Variants in DNAJC6 observed in about 807,000 individuals in gnomAD.
DNAJC6 encodes the protein auxilin.
Under a neutral mutation model 110.0 loss-of-function variants are expected in DNAJC6, and 34 were observed. That is an observed-to-expected ratio of 0.31 (90% CI 0.24 to 0.41). The LOEUF (loss-of-function observed/expected upper bound fraction) is 0.41, where lower values mean the gene tolerates loss of function less well. Among genes scored for constraint, DNAJC6 ranks in the 10% least tolerant of loss-of-function variants. The pLI is 1.00. For synonymous variants in DNAJC6, 406 were observed against 437.2 expected (o/e 0.93, Z 0.89); for missense variants, 1,031 against 1,207.8 (o/e 0.85, Z 2.17).
chr1:65,406,404 G>T (rs1479026689), intron 16 of DNAJC6, among the ~76,000 whole-genome samples: 1 of 152,178 alleles, frequency 6.6e-6, no homozygotes, highest in African/African-American at 2.4e-5. Context: ...CCAGATGGAG[G>T]GCAGGGACTG....
chr1:65,303,337 G>A (rs9436265), intron 1 of DNAJC6, among the ~76,000 whole-genome samples: 12 of 151,946 alleles, frequency 7.9e-5, no homozygotes, highest in African/African-American at 2.4e-4. Context: ...ACTAATATAC[G>A]GTCAAATAAT....
chr1:65,398,366 A>G (rs528912099), intron 13 of DNAJC6, among the ~76,000 whole-genome samples: 245 of 152,290 alleles, frequency 1.6e-3, no homozygotes, highest in African/African-American at 5.6e-3. Flanking sequence ...TCTATACTTA[A>G]TGCTTAGCAA....
At chr1:65,328,156 G>C (rs1324547825) in intron 1 of DNAJC6, among the ~76,000 whole-genome samples, 1 of 152,144 alleles carries the variant, frequency 6.6e-6, no homozygotes. Context: ...TTATTGTAAA[G>C]ATGTGTATTA....
chr1:65,337,298 CT>C (rs35222732), intron 1 of DNAJC6, among the ~76,000 whole-genome samples: 88,986 of 145,260 alleles, frequency 0.61, 27,855 homozygotes, highest in African/African-American at 0.78. Flanking sequence ...GTAATTCTTA[CT>C]TTTTTTTTTT....
chr1:65,280,689 G>A (rs886320517), intron 1 of DNAJC6, among the ~76,000 whole-genome samples: 1 of 152,138 alleles, frequency 6.6e-6, no homozygotes, highest in Non-Finnish European at 1.5e-5. Flanking sequence ...CATTGGCCTG[G>A]AAGTTAGGAG....
At chr1:65,280,269 C>A (rs1193268590) in intron 1 of DNAJC6, among the ~76,000 whole-genome samples, 1 of 152,064 alleles carries the variant, frequency 6.6e-6, no homozygotes, top group African/African-American at 2.4e-5. Flanking sequence ...TGAGTGGATT[C>A]TTTTTCTGTG....
chr1:65,359,517 G>A (rs1288293555), intron 1 of DNAJC6, among the ~76,000 whole-genome samples: 1 of 152,118 alleles, frequency 6.6e-6, no homozygotes. Flanking sequence ...CTTTCTCTTT[G>A]GATGGCACTC....
At chr1:65,369,888 A>G (rs1394893123) in intron 4 of DNAJC6, among the ~76,000 whole-genome samples, 2 of 152,188 alleles carry the variant, frequency 1.3e-5, no homozygotes, top group East Asian at 1.9e-4. Flanking sequence ...ATGTATTTGC[A>G]TATGTCACAG....
intron 12 of DNAJC6, among the ~76,000 whole-genome samples, chr1:65,394,171 T>C (rs1645955671): frequency 6.6e-6 from 1 of 152,248 alleles, no homozygotes; most frequent in Admixed American, 6.5e-5. Flanking sequence ...CATCATAGTT[T>C]CAGGCAGCTA....
chr1:65,266,138 C>G (rs543046567), intron 1 of DNAJC6, among the ~76,000 whole-genome samples: 13 of 152,356 alleles, frequency 8.5e-5, no homozygotes, highest in Non-Finnish European at 1.3e-4. Flanking sequence ...ACAACGCAGG[C>G]CCCAAAGCTC....
At chr1:65,324,653 C>G (rs376239189) in intron 1 of DNAJC6, among the ~76,000 whole-genome samples, 3 of 152,190 alleles carry the variant, frequency 2.0e-5, no homozygotes, top group Non-Finnish European at 4.4e-5. Context: ...GCCACTGCAC[C>G]CAGCCTCTTT....
At chr1:65,267,260 T>A (rs1557489684) in intron 1 of DNAJC6, among the ~76,000 whole-genome samples, 1 of 152,168 alleles carries the variant, frequency 6.6e-6, no homozygotes, top group East Asian at 1.9e-4. Context: ...TCAAGATTGG[T>A]AGGCTCTGGC....
intron 4 of DNAJC6, 138 bp from the exon 5 acceptor site, chr1:65,379,264 G>T: frequency 9.9e-7 from 1 of 1,005,038 alleles, no homozygotes; most frequent in Non-Finnish European, 1.4e-6. Context: ...TCATGCATTT[G>T]GACCCTGTTC....
At chr1:65,299,558 C>T (rs577158012) in intron 1 of DNAJC6, among the ~76,000 whole-genome samples, 2 of 152,190 alleles carry the variant, frequency 1.3e-5, no homozygotes, top group Non-Finnish European at 2.9e-5. Flanking sequence ...ACAAATAACA[C>T]AATAGATAGC....
At chr1:65,340,232 T>C (rs1322314504) in intron 1 of DNAJC6, among the ~76,000 whole-genome samples, 1 of 152,192 alleles carries the variant, frequency 6.6e-6, no homozygotes, top group Non-Finnish European at 1.5e-5. Flanking sequence ...ACTCTCAATA[T>C]GCAAGAGTGC....
At chr1:65,388,482 C>A in intron 9 of DNAJC6, 67 bp downstream of exon 9, 1 of 1,428,938 alleles carries the variant, frequency 7.0e-7, no homozygotes. Context: ...GGCTCAATGG[C>A]ACCAGGCTGT....
chr1:65,286,072 C>T (rs1654007899), intron 1 of DNAJC6, among the ~76,000 whole-genome samples: 1 of 152,126 alleles, frequency 6.6e-6, no homozygotes, highest in South Asian at 2.1e-4. Flanking sequence ...TTAACATATC[C>T]CTCTACCTCC....
At chr1:65,394,870 A>G in intron 12 of DNAJC6, 28 bp from the exon 13 acceptor site, 1 of 1,559,770 alleles carries the variant, frequency 6.4e-7, no homozygotes, top group Middle Eastern at 1.7e-4. Context: ...CATGGGACAA[A>G]TAAATATATT....
chr1:65,333,126 G>T (rs1033637046), intron 1 of DNAJC6, among the ~76,000 whole-genome samples: 17 of 152,046 alleles, frequency 1.1e-4, no homozygotes, highest in Non-Finnish European at 2.9e-5. Flanking sequence ...CTCATATTAA[G>T]AATTTTAACA....
Sources: gnomAD v4.1 joint callset for allele counts (sites outside exome capture counted in the v4.1 genomes callset) on GRCh38, gnomAD v4.1.1 for gene constraint, MANE v1.5 for transcripts, NCBI Gene and HGNC (gene_info 2026-07-23, HGNC 2026-07-21) for gene names.